MTMR2: variants seen among roughly 807,000 people sequenced by gnomAD.
The protein encoded by MTMR2 is phosphatidylinositol-3,5-bisphosphate 3-phosphatase MTMR2.
A neutral mutation model predicts 86.9 loss-of-function variants in MTMR2; 55 were observed. The ratio of observed to expected loss-of-function variants is 0.63; its 90% CI spans 0.51 to 0.79. The LOEUF (loss-of-function observed/expected upper bound fraction) is 0.79, where lower values mean the gene tolerates loss of function less well. Ranked by LOEUF, MTMR2 falls within the 30% of genes least tolerant of loss-of-function variation. The pLI, the probability that MTMR2 is intolerant of heterozygous loss-of-function variation, is 0.00. For synonymous variants in MTMR2, 241 were observed against 266.8 expected, an observed-to-expected ratio of 0.90 and a Z score of 0.94; for missense variants, 659 against 772.3, an observed-to-expected ratio of 0.85 and a Z score of 1.74.
At chr11:95,878,680 CA>C (rs1865213016) in intron 2 of MTMR2, among the ~76,000 whole-genome samples, 4 of 152,198 alleles carry the variant, frequency 2.6e-5, no homozygotes, top group Admixed American at 2.0e-4. Context: ...CTCATCCTTT[CA>C]TTCCCCACAC....
intron 2 of MTMR2, 142 bp downstream of exon 2, chr11:95,888,013 TG>T: frequency 1.6e-6 from 1 of 644,712 alleles, no homozygotes; most frequent in Non-Finnish European, 2.7e-6. Context: ...CCAAATTTGC[TG>T]GCCTATTCTG....
rs185065723 is a variant in MTMR2, at chr11:95,870,594, T to C, written c.187-4918A>G. ...CTTGATGATTTTTACTTGAGAGGAA[T>C]TGCATCTCAGATATGTCAGCAATGG... On this transcript the variant is annotated intron_variant, in intron 2 of 14. Transcript: ENST00000346299. 5.8e-3 allele frequency among the ~76,000 whole-genome samples: 882 copies of C among 152,020 alleles called. 20 individuals are homozygous for C. The highest frequency in any genetic ancestry group is 6.6e-3 in the Admixed American group (101 of 15,248).
At chr11:95,844,597 G>T (rs1863692017) in intron 11 of MTMR2, among the ~76,000 whole-genome samples, 1 of 152,058 alleles carries the variant, frequency 6.6e-6, no homozygotes, top group Non-Finnish European at 1.5e-5. Flanking sequence ...GGTAACTACT[G>T]GATACTAAAG....
At chr11:95,844,907 G>C (rs750523253) in intron 11 of MTMR2, 46 bp downstream of exon 11, 1 of 1,468,618 alleles carries the variant, frequency 6.8e-7, no homozygotes, top group African/African-American at 1.4e-5. Flanking sequence ...CACATGCCTT[G>C]GCATGAATGC....
chr11:95,919,477 G>C (rs1302754508), intron 1 of MTMR2, among the ~76,000 whole-genome samples: 1 of 152,074 alleles, frequency 6.6e-6, no homozygotes, highest in Admixed American at 6.5e-5. Flanking sequence ...GGATAAACAA[G>C]TATGGTACCC....
At chr11:95,884,912 G>A (rs1865462847) in intron 2 of MTMR2, among the ~76,000 whole-genome samples, 1 of 151,538 alleles carries the variant, frequency 6.6e-6, no homozygotes, top group South Asian at 2.1e-4. Context: ...TTTTTTCTCT[G>A]CCCTTTTAGG....
At chr11:95,856,441 T>C (rs1032617379) in intron 7 of MTMR2, among the ~76,000 whole-genome samples, 1 of 151,554 alleles carries the variant, frequency 6.6e-6, no homozygotes. Context: ...ACTTAAAATA[T>C]ATCCAAGAAA....
chr11:95,913,254 A>G (rs1319230379), intron 1 of MTMR2, among the ~76,000 whole-genome samples: 2 of 152,170 alleles, frequency 1.3e-5, no homozygotes, highest in Non-Finnish European at 2.9e-5. Flanking sequence ...CAAAAAAATC[A>G]TGATGCTACA....
chr11:95,888,402 C>T (rs1365148651), intron 1 of MTMR2, 141 bp from the exon 2 acceptor site: 2 of 659,990 alleles, frequency 3.0e-6, no homozygotes, highest in Non-Finnish European at 5.4e-6. Context: ...AATCTTATCT[C>T]TAAGTCTTAA....
At position 95,923,958 on chromosome 11, in the gene MTMR2, G is replaced by A. The variant is rs1163417078; in HGVS notation, c.-4C>T. On this transcript the variant is annotated 5_prime_UTR_variant, in exon 1 of 15. Transcript: ENST00000346299. Reference sequence around the variant, plus strand: ...CGCAGCTCGAGCTCTTCTCCATCGCGCGGCAGGGGCAGCACAGGGAAAGGC... The same window carrying A: ...CGCAGCTCGAGCTCTTCTCCATCGCACGGCAGGGGCAGCACAGGGAAAGGC... 2 of 1,557,064 alleles carry A rather than the reference G, an allele frequency of 1.3e-6. No homozygotes were observed. The highest frequency in any genetic ancestry group is 2.7e-5 in the African/African-American group (2 of 73,514).
Position 95,834,526 on chromosome 11 carries a change from A to AGTT in MTMR2, c.*761_*763dup. 1 of 152,210 alleles carries AGTT rather than the reference A, an allele frequency of 6.6e-6. No individual in the cohort carries two copies. The highest frequency in any genetic ancestry group is 6.6e-5 in the Admixed American group (1 of 15,256). 9.4% of individuals were successfully genotyped at this position (152,210 alleles called of 1,614,324 possible). On this transcript the variant is annotated 3_prime_UTR_variant, in exon 15 of 15. Coordinates refer to ENST00000346299, the MANE Select transcript of MTMR2 (RefSeq NM_016156.6). ...GTGAAATACACTGTAGTAAATAATT[A>AGTT]GTTTTTAAAATATCTTTCATGATGT...
At chr11:95,835,596 G>T in intron 14 of MTMR2, 145 bp from the exon 15 acceptor site, 1 of 775,164 alleles carries the variant, frequency 1.3e-6, no homozygotes, top group Non-Finnish European at 2.2e-6. Context: ...TAAATACCGG[G>T]ACTGTGGACA....
intron 11 of MTMR2, among the ~76,000 whole-genome samples, chr11:95,842,551 C>CTAT (rs1863591446): frequency 6.6e-6 from 1 of 152,230 alleles, no homozygotes; most frequent in South Asian, 2.1e-4. Flanking sequence ...GTTATTTCCT[C>CTAT]TGAGGACCTT....
Position 95,850,587 on chromosome 11 carries a change from A to C in MTMR2, c.804+13T>G, listed in dbSNP as rs1863976989. On this transcript the variant is annotated intron_variant, in intron 8 of 14. Coordinates refer to ENST00000346299, the MANE Select transcript of MTMR2 (RefSeq NM_016156.6). ...AAAGCACTTGCAAAGGCTCATCCAA[A>C]CTTCCTACTTACTGGGATACGGCCT... 1 of 1,591,618 alleles carries C rather than the reference A, an allele frequency of 6.3e-7. No homozygotes were observed. The highest frequency in any genetic ancestry group is 2.2e-5 in the East Asian group (1 of 44,874).
At chr11:95,839,068 A>G (rs1420501947) in intron 12 of MTMR2, among the ~76,000 whole-genome samples, 1 of 152,048 alleles carries the variant, frequency 6.6e-6, no homozygotes, top group Admixed American at 6.6e-5. Flanking sequence ...TTTACATCTT[A>G]GATCCCTTCC....
At chr11:95,867,834 T>C (rs1259446406) in intron 2 of MTMR2, among the ~76,000 whole-genome samples, 1 of 149,698 alleles carries the variant, frequency 6.7e-6, no homozygotes, top group Admixed American at 6.6e-5. Context: ...AAAAAAAGAC[T>C]TACAAAGAAA....
At chr11:95,860,280 T>C (rs1864361810) in intron 5 of MTMR2, among the ~76,000 whole-genome samples, 1 of 152,236 alleles carries the variant, frequency 6.6e-6, no homozygotes, top group Admixed American at 6.5e-5. Context: ...GGCGGGCAGA[T>C]CACTTGAGGC....
At chr11:95,905,319 G>T (rs1436890249) in intron 1 of MTMR2, among the ~76,000 whole-genome samples, 3 of 122,528 alleles carry the variant, frequency 2.4e-5, no homozygotes, top group African/African-American at 1.0e-4. Context: ...ACACACACAC[G>T]CACGCACCTG....
chr11:95,867,440 A>G (rs1864656845), intron 2 of MTMR2, among the ~76,000 whole-genome samples: 1 of 152,190 alleles, frequency 6.6e-6, no homozygotes, highest in African/African-American at 2.4e-5. Flanking sequence ...CAATCCTCCT[A>G]AAGCTTCATA....
Sources: allele counts gnomAD v4.1 joint callset (sites outside exome capture counted in the v4.1 genomes callset), GRCh38; gene constraint gnomAD v4.1.1; transcripts MANE v1.5; gene names NCBI Gene and HGNC (gene_info 2026-07-23, HGNC 2026-07-21).